POGZ: variants seen among roughly 807,000 people sequenced by gnomAD.
The protein encoded by POGZ is pogo transposable element with ZNF domain.
A neutral mutation model predicts 134.6 loss-of-function variants in POGZ; 17 were observed. The observed-to-expected ratio is 0.13, with a 90% CI of 0.09 to 0.19. The LOEUF (loss-of-function observed/expected upper bound fraction) is 0.19, where lower values mean the gene tolerates loss of function less well. Ranked by LOEUF, POGZ falls within the 10% of genes least tolerant of loss-of-function variation. The probability of loss-of-function intolerance (pLI) is 1.00; values close to 1 mark genes in which losing one functional copy is unlikely to be tolerated. For synonymous variants in POGZ, 693 were observed against 657.1 expected (o/e 1.05, Z -0.84); for missense variants, 1,306 against 1,769.7 (o/e 0.74, Z 4.70).
chr1:151,410,558 T>A (rs571258686), intron 12 of POGZ, among the ~76,000 whole-genome samples: 2 of 152,330 alleles, frequency 1.3e-5, no homozygotes, highest in South Asian at 4.1e-4. Context: ...GATAAGGGAC[T>A]TCAAATATCC....
intron 7 of POGZ, among the ~76,000 whole-genome samples, chr1:151,425,531 C>T (rs1448257373): frequency 3.3e-5 from 5 of 152,116 alleles, no homozygotes; most frequent in Non-Finnish European, 7.4e-5. Flanking sequence ...GCCTCCACCC[C>T]GGCAACCACA....
At chr1:151,418,782 T>C (rs1222909844) in intron 10 of POGZ, among the ~76,000 whole-genome samples, 1 of 151,864 alleles carries the variant, frequency 6.6e-6, no homozygotes, top group Non-Finnish European at 1.5e-5. Context: ...TCCTAGCACT[T>C]TGGGAAGCTA....
intron 1 of POGZ, among the ~76,000 whole-genome samples, chr1:151,444,414 ATACT>A (rs1220671907): frequency 6.6e-6 from 1 of 152,132 alleles, no homozygotes; most frequent in African/African-American, 2.4e-5. Context: ...TTTTCCTTAA[ATACT>A]TAATTTTATT....
chr1:151,454,541 G>A (rs534054085), intron 1 of POGZ, among the ~76,000 whole-genome samples: 1 of 152,188 alleles, frequency 6.6e-6, no homozygotes, highest in African/African-American at 2.4e-5. Context: ...CCTCTTGTCT[G>A]GTAGCCAATC....
intron 10 of POGZ, among the ~76,000 whole-genome samples, chr1:151,414,676 G>A (rs1395037101): frequency 2.0e-5 from 3 of 152,188 alleles, no homozygotes; most frequent in Non-Finnish European, 4.4e-5. Flanking sequence ...CAGCTACTTG[G>A]GAGGCTGAGG....
At chr1:151,459,015 C>T (rs1032941381) in intron 1 of POGZ, 137 bp downstream of exon 1, 1 of 146,072 alleles carries the variant, frequency 6.8e-6, no homozygotes, top group African/African-American at 2.5e-5. Context: ...CACCGCCGGC[C>T]CCCCGCCCCC....
At chr1:151,450,755 AT>A (rs1661947161) in intron 1 of POGZ, among the ~76,000 whole-genome samples, 1 of 151,674 alleles carries the variant, frequency 6.6e-6, no homozygotes, top group African/African-American at 2.4e-5. Flanking sequence ...CTTTCAAATC[AT>A]TTTTGCAGAG....
intron 1 of POGZ, chr1:151,455,095 A>G (rs1327143846): frequency 6.6e-6 from 1 of 151,334 alleles, no homozygotes; most frequent in Non-Finnish European, 1.5e-5. Context: ...CAATAGAGCG[A>G]GACTCCATCT....
Position 151,411,196 on chromosome 1 carries a change from C to CT in POGZ, c.1926+428dup, listed in dbSNP as rs1187934948. Among the ~76,000 whole-genome samples the CT allele has an allele frequency of 2.6e-5, 4 of 152,226 alleles. No individual in the cohort carries two copies. In the South Asian group the frequency reaches 6.2e-4, roughly 24 times the overall value. ...TGTCCCTGCCTAACTTCCAACCCCT[C>CT]TGTCTCTTACACCCTACACTGAATC... On this transcript the variant is annotated intron_variant, in intron 12 of 18. Transcript: ENST00000271715.
intron 10 of POGZ, among the ~76,000 whole-genome samples, chr1:151,419,918 A>C (rs1484497282): frequency 6.6e-6 from 1 of 152,048 alleles, no homozygotes; most frequent in Non-Finnish European, 1.5e-5. Flanking sequence ...GTGTAATTTT[A>C]TTATTTGTGG....
chr1:151,433,532 C>A (rs1032849502), intron 3 of POGZ, among the ~76,000 whole-genome samples: 2 of 146,698 alleles, frequency 1.4e-5, no homozygotes, highest in Non-Finnish European at 3.0e-5. Flanking sequence ...TGCTTGAACC[C>A]AGGAGGCAGA....
rs1662129802 is a variant in POGZ, at chr1:151,451,851, C to T, written c.-2+7301G>A. Among the ~76,000 whole-genome samples the T allele has an allele frequency of 1.3e-5, 2 of 151,488 alleles. 1 individual carries two copies. Among genetic ancestry groups the T allele is most frequent in the Admixed American group, 1.3e-4 (2 of 14,986 alleles). On this transcript the variant is annotated intron_variant, in intron 1 of 18. Transcript: ENST00000271715. ...GTGGCTCACGCCTGTAATCCCAGCA[C>T]TTTGGGAGGCCAAGGCAGGTGGATC... is the stretch of plus-strand genomic sequence containing the variant.
intron 3 of POGZ, among the ~76,000 whole-genome samples, chr1:151,434,905 A>C (rs996719858): frequency 1.4e-5 from 2 of 147,140 alleles, no homozygotes; most frequent in African/African-American, 2.5e-5. Flanking sequence ...TTTTTCCTTC[A>C]TTCTTTCTTT....
Position 151,407,156 on chromosome 1 carries a change from C to T in POGZ, c.2432+79G>A. 4.0e-6 allele frequency: 5 copies of T among 1,248,972 alleles called. No individual in the cohort carries two copies. In the South Asian group the frequency reaches 6.5e-5, roughly 16 times the overall value. 77.4% of individuals were successfully genotyped at this position (1,248,972 alleles called of 1,614,324 possible). On this transcript the variant is annotated intron_variant, in intron 16 of 18. Coordinates refer to ENST00000271715, the MANE Select transcript of POGZ (RefSeq NM_015100.4). ...TTTCTGAAATTAATTCACATAACCACCTCTCCAAATAATGAAAAACCTGAA... is the reference window on the plus strand; with the variant it reads ...TTTCTGAAATTAATTCACATAACCATCTCTCCAAATAATGAAAAACCTGAA...
At chr1:151,443,418 A>G (rs1250485937) in intron 1 of POGZ, among the ~76,000 whole-genome samples, 3 of 152,122 alleles carry the variant, frequency 2.0e-5, no homozygotes, top group Admixed American at 1.3e-4. Flanking sequence ...TTAAAGTCTG[A>G]GCCGGGTGCA....
chr1:151,419,668 CAAAA>C (rs59593149), intron 10 of POGZ, among the ~76,000 whole-genome samples: 9 of 43,650 alleles, frequency 2.1e-4, no homozygotes, highest in African/African-American at 9.1e-4. Context: ...GACCCTGTCT[CAAAA>C]AAAAAAAAAA....
At position 151,427,812 on chromosome 1, in the gene POGZ, G is replaced by A; in HGVS notation, c.1078+11C>T. 3.2e-6 allele frequency: 5 copies of A among 1,576,182 alleles called. No homozygotes were observed. Among genetic ancestry groups the A allele is most frequent in the Non-Finnish European group, 3.5e-6 (4 of 1,145,970 alleles). Reference sequence around the variant, plus strand: ...ATGACTGGCTGCTCAGAGTCTTTCAGGTTATTGTACCTTTCATTGAAGACT... The same window carrying A: ...ATGACTGGCTGCTCAGAGTCTTTCAAGTTATTGTACCTTTCATTGAAGACT... On this transcript the variant is annotated intron_variant, in intron 7 of 18. Coordinates refer to ENST00000271715, the MANE Select transcript of POGZ (RefSeq NM_015100.4).
At chr1:151,422,233 A>G (rs532386697) in intron 10 of POGZ, among the ~76,000 whole-genome samples, 2 of 152,366 alleles carry the variant, frequency 1.3e-5, no homozygotes, top group South Asian at 2.1e-4. Flanking sequence ...ACCTAGCCAC[A>G]AGGATTTTTT....
chr1:151,423,584 A>G (rs1218573250), intron 9 of POGZ, 33 bp from the exon 10 acceptor site: 1 of 1,553,632 alleles, frequency 6.4e-7, no homozygotes, highest in East Asian at 2.3e-5. Flanking sequence ...AGTACAGAAA[A>G]CATAAAAAAT....
Sources: gnomAD v4.1 joint callset for allele counts (sites outside exome capture counted in the v4.1 genomes callset) on GRCh38, gnomAD v4.1.1 for gene constraint, MANE v1.5 for transcripts, NCBI Gene and HGNC (gene_info 2026-07-23, HGNC 2026-07-21) for gene names.